Variants in LRIT1 observed in about 807,000 individuals in gnomAD.
The protein encoded by LRIT1 is leucine-rich repeat, immunoglobulin-like domain and transmembrane domain-containing protein 1.
LRIT1 carries 23 observed loss-of-function variants against 24.0 expected under a neutral mutation model. The ratio of observed to expected loss-of-function variants is 0.96; its 90% CI spans 0.69 to 1.36. The LOEUF is 1.36. Ranked by LOEUF, LRIT1 falls within the 40% of genes most tolerant of loss-of-function variation. LRIT1 has a pLI of 0.00. For synonymous variants in LRIT1, 361 were observed against 340.5 expected (o/e 1.06, Z -0.66); for missense variants, 846 against 806.3 (o/e 1.05, Z -0.60).
In LRIT1 at chr10:84,241,423, C is replaced by A; in HGVS notation, c.17G>T (p.Gly6Val). The A allele has an allele frequency of 6.3e-7, 1 of 1,596,700 alleles. No individual in the cohort carries two copies. Among genetic ancestry groups the A allele is most frequent in the Non-Finnish European group, 8.5e-7 (1 of 1,172,412 alleles). MRVAL[G>V]MLWLLALAWP... ...CGCAAGGGCCAAGAGCCAGAGCATGCCTAATGCCACCCTCATGGCTCCTGG... is the reference window on the plus strand; with the variant it reads ...CGCAAGGGCCAAGAGCCAGAGCATGACTAATGCCACCCTCATGGCTCCTGG... Residue 6 changes from glycine (G) to valine (V), a missense_variant, in exon 1 of 4, where the codon GGC becomes GTC. Gly to Val is a moderately radical substitution (Grantham distance 109). Transcript: ENST00000372105.
chr10:84,239,372 G>C (rs75679491), intron 1 of LRIT1, among the ~76,000 whole-genome samples: 1 of 152,304 alleles, frequency 6.6e-6, no homozygotes, highest in East Asian at 1.9e-4. Flanking sequence ...TTGAGCCTAG[G>C]AGTTGGAAGC....
At chr10:84,239,638 C>T (rs1483005386) in intron 1 of LRIT1, among the ~76,000 whole-genome samples, 1 of 152,214 alleles carries the variant, frequency 6.6e-6, no homozygotes, top group Non-Finnish European at 1.5e-5. Flanking sequence ...TGGGGTAAAA[C>T]CAGAGGCAAA....
chr10:84,232,190 T>C lies in LRIT1; in HGVS notation c.1609A>G (p.Ile537Val), dbSNP rs111345145. 95 of 1,614,160 alleles carry C rather than the reference T, an allele frequency of 5.9e-5. No homozygotes were observed. In the African/African-American group the frequency reaches 1.0e-3, roughly 18 times the overall value. Reference sequence around the variant, plus strand: ...AGCGTGAGAGGCAGGGCAATGACGATGGCCACACTGATCACCACCACATTG... The same window carrying C: ...AGCGTGAGAGGCAGGGCAATGACGACGGCCACACTGATCACCACCACATTG... Reference protein sequence around the residue: ...LINVVVISVAIVIALPLTLLV... With the variant: ...LINVVVISVAVVIALPLTLLV... Residue 537 changes from isoleucine (I) to valine (V), a missense_variant, in exon 4 of 4, where the codon ATC becomes GTC. By Grantham distance (29) the Ile-to-Val change is conservative. Transcript: ENST00000372105.
intron 3 of LRIT1, 143 bp downstream of exon 3, chr10:84,233,930 C>G (rs1842625043): frequency 1.6e-6 from 1 of 635,364 alleles, no homozygotes; most frequent in African/African-American, 1.9e-5. Flanking sequence ...CTCTGGGAAG[C>G]CCCTGTCAAA....
intron 2 of LRIT1, among the ~76,000 whole-genome samples, chr10:84,235,799 CAG>C (rs2132864853): frequency 6.6e-6 from 1 of 152,028 alleles, no homozygotes; most frequent in African/African-American, 2.4e-5. Context: ...TTAGTAGAGA[CAG>C]AGTTTCACCA....
rs936502758 is a variant in LRIT1, at chr10:84,231,551, C to T, written c.*376G>A. The T allele has an allele frequency of 4.2e-6, 1 of 235,776 alleles. No individual in the cohort carries two copies. The highest frequency in any genetic ancestry group is 2.2e-5 in the African/African-American group (1 of 44,562). The allele number at this position is 235,776 out of a possible 1,614,324, so 14.6% of individuals were successfully genotyped here. A position where few individuals can be genotyped will look rare whatever the true frequency, so the allele number is the denominator to read the frequency against. ...CAGAGCAGAGCCACCCTAATCAACCCACAGGCCTGTGAGTGTGAAAATAAG... is the reference window on the plus strand; with the variant it reads ...CAGAGCAGAGCCACCCTAATCAACCTACAGGCCTGTGAGTGTGAAAATAAG... On this transcript the variant is annotated 3_prime_UTR_variant, in exon 4 of 4. Coordinates refer to ENST00000372105, the MANE Select transcript of LRIT1 (RefSeq NM_015613.3).
At chr10:84,234,010 T>C (rs1842625638) in intron 3 of LRIT1, 63 bp downstream of exon 3, 1 of 1,366,010 alleles carries the variant, frequency 7.3e-7, no homozygotes, top group African/African-American at 1.5e-5. Context: ...AATCCCCATT[T>C]GGGGAGCTGC....
rs189130054 is a variant in LRIT1, at chr10:84,237,161, A to G, written c.589+59T>C. On this transcript the variant is annotated intron_variant, in intron 2 of 3. Transcript: ENST00000372105. Reference sequence around the variant, plus strand: ...ATGATTTCAATTTTCCAAATAATCGAAACTCAGGGAAGCGTGGTAACTTGC... The same window carrying G: ...ATGATTTCAATTTTCCAAATAATCGGAACTCAGGGAAGCGTGGTAACTTGC... 17 of 1,273,616 alleles carry G rather than the reference A, an allele frequency of 1.3e-5. 1 individual carries two copies. The highest frequency in any genetic ancestry group is 1.2e-4 in the Admixed American group (5 of 42,380). 78.9% of individuals were successfully genotyped at this position (1,273,616 alleles called of 1,614,324 possible). A position where few individuals can be genotyped will look rare whatever the true frequency, so the allele number is the denominator to read the frequency against.
In LRIT1 at chr10:84,237,721, T is replaced by A. The variant is rs368943242; in HGVS notation, c.123-35A>T. On this transcript the variant is annotated intron_variant, in intron 1 of 3. Transcript: ENST00000372105. ...GAAATGAGGGATAGTTGAGCAAGGA[T>A]CCTGCCGGGTCTGGGATCTCCCACC... 137 of 1,512,740 alleles carry A rather than the reference T, an allele frequency of 9.1e-5. No homozygotes were observed. In the African/African-American group the frequency reaches 1.6e-3, roughly 17 times the overall value. The allele number at this position is 1,512,740 out of a possible 1,614,324, so 93.7% of individuals were successfully genotyped here.
chr10:84,236,097 C>T (rs1376270514), intron 2 of LRIT1, among the ~76,000 whole-genome samples: 2 of 151,640 alleles, frequency 1.3e-5, no homozygotes, highest in African/African-American at 2.4e-5. Flanking sequence ...GAGATCGAGA[C>T]CATCCTGGCT....
intron 3 of LRIT1, 94 bp from the exon 4 acceptor site, chr10:84,232,997 A>T: frequency 7.4e-7 from 1 of 1,359,216 alleles, no homozygotes; most frequent in Middle Eastern, 2.6e-4. Context: ...GGTGGTACAC[A>T]CTCAGGTGTC....
rs768633443 is a variant in LRIT1 at position 84,237,489 on chromosome 10, C to A, written c.320G>T (p.Arg107Leu). The A allele has an allele frequency of 3.1e-6, 5 of 1,592,448 alleles. No homozygotes were observed. The African/African-American group carries it at 5.4e-5, about 17-fold the overall frequency. Residue 107 changes from arginine to leucine, a missense_variant, in exon 2 of 4, where the codon CGA becomes CTA. Transcript: ENST00000372105. ...GGGCAGCCGCAGCTCCCGCAGGCGTCGCAGGCCCCGCAGCATGAGGGCGTT... is the reference window on the plus strand; with the variant it reads ...GGGCAGCCGCAGCTCCCGCAGGCGTAGCAGGCCCCGCAGCATGAGGGCGTT... ...ELNALMLRGL[R>L]RLRELRLPGN... is the part of the protein sequence containing the mutation.
chr10:84,234,922 C>A (rs1009083328), intron 2 of LRIT1, among the ~76,000 whole-genome samples: 14 of 152,192 alleles, frequency 9.2e-5, no homozygotes, highest in African/African-American at 3.4e-4. Context: ...AGGCTATATC[C>A]CCTACTGTCT....
chr10:84,236,950 G>C (rs924190043), intron 2 of LRIT1, among the ~76,000 whole-genome samples: 18 of 152,156 alleles, frequency 1.2e-4, no homozygotes, highest in African/African-American at 4.1e-4. Flanking sequence ...AGCTGGTGTA[G>C]TGTACTAACC....
At chr10:84,238,260 C>G (rs12219949) in intron 1 of LRIT1, among the ~76,000 whole-genome samples, 13,952 of 151,254 alleles carry the variant, frequency 0.092, 786 homozygotes, top group Middle Eastern at 0.17. Flanking sequence ...GAGGCTGAGG[C>G]GGGACAATCG....
Position 84,233,719 on chromosome 10 carries a change from A to G in LRIT1, c.895+354T>C, listed in dbSNP as rs80019661. Among the ~76,000 whole-genome samples the G allele has an allele frequency of 9.9e-4, 151 of 152,342 alleles. 3 individuals carry two copies. In the East Asian group the frequency reaches 0.026, roughly 26 times the overall value. Reference sequence around the variant, plus strand: ...GGTAGCTCACATCATTAATTACTCCAGGTAATTCTGGTTTAATATTTACAA... The same window carrying G: ...GGTAGCTCACATCATTAATTACTCCGGGTAATTCTGGTTTAATATTTACAA... On this transcript the variant is annotated intron_variant, in intron 3 of 3. Coordinates refer to ENST00000372105, the MANE Select transcript of LRIT1 (RefSeq NM_015613.3).
At chr10:84,233,211 C>T (rs1031264654) in intron 3 of LRIT1, among the ~76,000 whole-genome samples, 1 of 152,162 alleles carries the variant, frequency 6.6e-6, no homozygotes, top group Non-Finnish European at 1.5e-5. Flanking sequence ...GCTCTGTCAC[C>T]CAGGCTGGAG....
chr10:84,234,098 G>A lies in LRIT1; in HGVS notation c.870C>T (p.Ala290=). 6.4e-7 allele frequency: 1 copy of A among 1,567,994 alleles called. No homozygotes were observed. Among genetic ancestry groups the A allele is most frequent in the Non-Finnish European group, 8.6e-7 (1 of 1,157,550 alleles). ...CTGTACCATTAAGGGGCCTGCCATT[G>A]GCCCTCCTCCAGCTCATCTCGGGCC... ...VPGPEMSWRR[A]NGRPLNGTVH... The change falls in exon 3 of 4, where the codon GCC becomes GCT. Residue 290 remains alanine (A), a synonymous_variant. Coordinates refer to ENST00000372105, the MANE Select transcript of LRIT1 (RefSeq NM_015613.3).
chr10:84,232,377 C>T lies in LRIT1; in HGVS notation c.1422G>A (p.Val474=), dbSNP rs1360859179. 6.2e-7 allele frequency: 1 copy of T among 1,613,918 alleles called. No individual in the cohort carries two copies. The highest frequency in any genetic ancestry group is 1.1e-5 in the South Asian group (1 of 91,052). The part of the protein sequence containing the change: ...AVFGQHSMRR[V]IVQPGKTRVT... ...CTCTGGTCTTCCCAGGCTGCACAAT[C>T]ACCCGCCGCATGCTGTGCTGCCCAA... The change falls in exon 4 of 4, where the codon GTG becomes GTA. Residue 474 remains valine (V), a synonymous_variant. Coordinates refer to ENST00000372105, the MANE Select transcript of LRIT1 (RefSeq NM_015613.3).
Sources: allele counts gnomAD v4.1 joint callset (sites outside exome capture counted in the v4.1 genomes callset), GRCh38; gene constraint gnomAD v4.1.1; transcripts MANE v1.5; gene names NCBI Gene and HGNC (gene_info 2026-07-23, HGNC 2026-07-21).